DNAH9: variants seen among roughly 807,000 people sequenced by gnomAD.
The protein encoded by DNAH9 is dynein axonemal heavy chain 9.
DNAH9 carries 345 observed loss-of-function variants against 471.6 expected under a neutral mutation model. The observed-to-expected ratio is 0.73, with a 90% CI of 0.67 to 0.80. DNAH9 has a LOEUF of 0.80. DNAH9 is among the 30% of genes least tolerant of loss of function. The pLI is 0.00. For synonymous variants in DNAH9, 2,093 were observed against 2,123.6 expected, an observed-to-expected ratio of 0.99 and a Z score of 0.40; for missense variants, 5,407 against 5,609.2, an observed-to-expected ratio of 0.96 and a Z score of 1.15.
In DNAH9 at chr17:11,646,940, A is replaced by G. The variant is rs2073404881; in HGVS notation, c.1971-132A>G. On this transcript the variant is annotated intron_variant, in intron 11 of 68. Transcript: ENST00000262442. ...AAAAGAAAGAAAGAAATTTGTGGTTACTCTCAGAAGCTGACCCAGCCTGGT... is the reference window on the plus strand; with the variant it reads ...AAAAGAAAGAAAGAAATTTGTGGTTGCTCTCAGAAGCTGACCCAGCCTGGT... 5.4e-6 allele frequency: 4 copies of G among 743,002 alleles called. No individual in the cohort carries two copies. The South Asian group carries it at 6.9e-5, about 13-fold the overall frequency. 46.0% of individuals were successfully genotyped at this position (743,002 alleles called of 1,614,324 possible). A position where few individuals can be genotyped will look rare whatever the true frequency, so the allele number is the denominator to read the frequency against.
chr17:11,846,805 TG>T (rs1296396496), intron 49 of DNAH9, among the ~76,000 whole-genome samples: 1 of 139,382 alleles, frequency 7.2e-6, no homozygotes. Context: ...GCTCTCTGTT[TG>T]TCTGTTATTG....
At chr17:11,955,063 A>G (rs1196212505) in intron 67 of DNAH9, among the ~76,000 whole-genome samples, 1 of 152,210 alleles carries the variant, frequency 6.6e-6, no homozygotes. Flanking sequence ...TTCTTACAGC[A>G]TATGTGGAGT....
intron 23 of DNAH9, among the ~76,000 whole-genome samples, 156 bp downstream of exon 23, chr17:11,700,039 T>G (rs926850573): frequency 2.0e-5 from 3 of 152,206 alleles, no homozygotes; most frequent in Non-Finnish European, 4.4e-5. Context: ...TGAACTGATG[T>G]TGGAGCAGCA....
Position 11,598,804 on chromosome 17 carries a change from T to A in DNAH9, c.306T>A (p.Phe102Leu). Reference sequence around the variant, plus strand: ...GCCTGGCTGGCGCTAAGGCGCTTTTTTTCCTTCGCACCGGGCCCGAGCCTC... The same window carrying A: ...GCCTGGCTGGCGCTAAGGCGCTTTTATTCCTTCGCACCGGGCCCGAGCCTC... Reference protein sequence around the residue: ...ESGLAGAKALFFLRTGPEPPG... With the variant: ...ESGLAGAKALLFLRTGPEPPG... The change falls in exon 1 of 69, where the codon TTT (phenylalanine) becomes TTA (leucine). Residue 102 changes from phenylalanine (F) to leucine (L), a missense_variant. Coordinates refer to ENST00000262442, the MANE Select transcript of DNAH9 (RefSeq NM_001372.4). The A allele has an allele frequency of 6.8e-7, 1 of 1,480,798 alleles. No individual in the cohort carries two copies. The highest frequency in any genetic ancestry group is 8.9e-7 in the Non-Finnish European group (1 of 1,119,642). The allele number at this position is 1,480,798 out of a possible 1,614,324, so 91.7% of individuals were successfully genotyped here.
At chr17:11,746,389 A>T (rs952288518) in intron 31 of DNAH9, among the ~76,000 whole-genome samples, 4 of 152,218 alleles carry the variant, frequency 2.6e-5, no homozygotes, top group Non-Finnish European at 5.9e-5. Context: ...TGTAACATTT[A>T]TCACAGATCT....
chr17:11,834,328 CAAAAAAAAA>C (rs762924565), intron 48 of DNAH9, among the ~76,000 whole-genome samples: 12 of 77,860 alleles, frequency 1.5e-4, no homozygotes, highest in Admixed American at 1.0e-3. Flanking sequence ...GACTCCGTCT[CAAAAAAAAA>C]AAAAAAAAAA....
intron 4 of DNAH9, among the ~76,000 whole-genome samples, chr17:11,616,312 A>C (rs1249072253): frequency 2.6e-5 from 4 of 152,160 alleles, no homozygotes; most frequent in Non-Finnish European, 5.9e-5. Flanking sequence ...CTGCTTCCTA[A>C]ATAGTGTATA....
Position 11,742,283 on chromosome 17 carries a change from C to G in DNAH9, c.6081C>G (p.Tyr2027Ter). Residue 2027 changes from tyrosine to a stop codon, truncating the protein, a stop_gained, in exon 30 of 69, where the codon TAC becomes TAG. Coordinates refer to ENST00000262442, the MANE Select transcript of DNAH9 (RefSeq NM_001372.4). LOFTEE classifies it high-confidence loss of function. ...QSLARKFITL[Y>*]QLCKELLSKQ... is the part of the protein sequence containing the mutation. Reference sequence around the variant, plus strand: ...TAGCCAGAAAGTTCATCACTCTTTACCAGTTGTGCAAAGAGCTTCTCTCCA... The same window carrying G: ...TAGCCAGAAAGTTCATCACTCTTTAGCAGTTGTGCAAAGAGCTTCTCTCCA... The G allele has an allele frequency of 6.2e-7, 1 of 1,614,154 alleles. No homozygotes were observed. The highest frequency in any genetic ancestry group is 8.5e-7 in the Non-Finnish European group (1 of 1,179,990).
At chr17:11,687,811 CA>C (rs1484740479) in intron 19 of DNAH9, among the ~76,000 whole-genome samples, 1 of 151,988 alleles carries the variant, frequency 6.6e-6, no homozygotes, top group Non-Finnish European at 1.5e-5. Context: ...GGTCCTTGAA[CA>C]CTAGGGCTAT....
intron 44 of DNAH9, among the ~76,000 whole-genome samples, chr17:11,808,226 G>A (rs933766123): frequency 6.6e-6 from 1 of 152,150 alleles, no homozygotes; most frequent in East Asian, 1.9e-4. Flanking sequence ...GAATTCTGAA[G>A]GTCTGCTTGA....
At chr17:11,704,051 C>T (rs2074651731) in intron 24 of DNAH9, 152 bp from the exon 25 acceptor site, 1 of 853,388 alleles carries the variant, frequency 1.2e-6, no homozygotes, top group Non-Finnish European at 1.9e-6. Context: ...GGGTTTAGAG[C>T]ATATGGTTCA....
At chr17:11,805,185 C>T (rs1350081105) in intron 43 of DNAH9, among the ~76,000 whole-genome samples, 2 of 152,086 alleles carry the variant, frequency 1.3e-5, no homozygotes, top group Admixed American at 6.6e-5. Context: ...GAACAACAAA[C>T]GTTTAGTTTA....
intron 17 of DNAH9, among the ~76,000 whole-genome samples, chr17:11,675,489 G>A (rs2074034666): frequency 6.6e-6 from 1 of 151,910 alleles, no homozygotes; most frequent in Non-Finnish European, 1.5e-5. Flanking sequence ...ATGAAAGTGG[G>A]GATAACATAC....
intron 54 of DNAH9, 88 bp from the exon 55 acceptor site, chr17:11,881,121 A>T: frequency 1.7e-6 from 2 of 1,188,972 alleles, no homozygotes; most frequent in Non-Finnish European, 1.2e-6. Context: ...TGAATATAGC[A>T]ATATTGTTTG....
intron 29 of DNAH9, among the ~76,000 whole-genome samples, chr17:11,741,874 C>T (rs1293008834): frequency 6.6e-6 from 1 of 152,218 alleles, no homozygotes; most frequent in East Asian, 1.9e-4. Context: ...AGTCACAAGA[C>T]TTGAGTGGTA....
intron 67 of DNAH9, among the ~76,000 whole-genome samples, chr17:11,949,915 T>TG (rs1441555908): frequency 1.3e-5 from 2 of 152,290 alleles, no homozygotes; most frequent in East Asian, 3.9e-4. Flanking sequence ...ATGTGTAAAA[T>TG]TATTGTCAGA....
rs577724556 is a variant in DNAH9 at position 11,770,517 on chromosome 17, G to A, written c.7552+1188G>A. On this transcript the variant is annotated intron_variant, in intron 38 of 68. Coordinates refer to ENST00000262442, the MANE Select transcript of DNAH9 (RefSeq NM_001372.4). ...CCTGGAGCATGTGGACAGAGATTCC[G>A]GCTTCCCCCCACCCGCCCTTCGATG... Among the ~76,000 whole-genome samples the A allele has an allele frequency of 1.2e-3, 186 of 152,196 alleles. 7 individuals are homozygous for A. In the South Asian group the frequency reaches 0.034, roughly 28 times the overall value.
At chr17:11,809,789 T>G (rs545154852) in intron 44 of DNAH9, among the ~76,000 whole-genome samples, 24 of 152,100 alleles carry the variant, frequency 1.6e-4, no homozygotes, top group African/African-American at 5.5e-4. Flanking sequence ...AAGTAAGTCT[T>G]CCATATAAGT....
At chr17:11,671,305 G>A (rs117685676) in intron 17 of DNAH9, among the ~76,000 whole-genome samples, 30 of 152,306 alleles carry the variant, frequency 2.0e-4, no homozygotes, top group Admixed American at 4.6e-4. Flanking sequence ...GTTCCCAGGA[G>A]GACAGTTTAC....
Sources: gnomAD v4.1 joint callset for allele counts (sites outside exome capture counted in the v4.1 genomes callset) on GRCh38, gnomAD v4.1.1 for gene constraint, MANE v1.5 for transcripts, NCBI Gene and HGNC (gene_info 2026-07-23, HGNC 2026-07-21) for gene names.